The following TAFA1 variants were observed in gnomAD, a reference collection of about 807,000 sequenced individuals.
TAFA1 encodes the protein chemokine-like protein TAFA-1.
TAFA1 carries 4 observed loss-of-function variants against 18.5 expected under a neutral mutation model. The observed-to-expected ratio is 0.22, with a 90% CI of 0.11 to 0.49. The LOEUF (loss-of-function observed/expected upper bound fraction) is 0.49. TAFA1 is among the 20% of genes least tolerant of loss of function. The pLI is 0.98. For synonymous variants in TAFA1, 56 were observed against 55.2 expected (o/e 1.01, Z -0.06); for missense variants, 147 against 169.0 (o/e 0.87, Z 0.72).
chr3:68,539,351 T>G lies in TAFA1; in HGVS notation c.384+471T>G, dbSNP rs140528738. On this transcript the variant is annotated intron_variant, in intron 4 of 4. Transcript: ENST00000478136. ...GGGTTTTGGGGAGTGAATACATCAT[T>G]CTTTGATTTCTTTGGTTAAATCAGG... Among the ~76,000 whole-genome samples the G allele has an allele frequency of 4.6e-5, 7 of 152,154 alleles. No homozygotes were observed. The East Asian group carries it at 1.4e-3, about 30-fold the overall frequency.
At chr3:68,376,490 A>G (rs955400261) in intron 2 of TAFA1, among the ~76,000 whole-genome samples, 3 of 152,036 alleles carry the variant, frequency 2.0e-5, no homozygotes, top group Admixed American at 6.6e-5. Context: ...CCCACTTGTA[A>G]GTGAGAACAT....
chr3:68,522,787 T>C (rs556432103), intron 3 of TAFA1, among the ~76,000 whole-genome samples: 2 of 151,954 alleles, frequency 1.3e-5, no homozygotes, highest in African/African-American at 4.8e-5. Context: ...AGGTGGAGTT[T>C]GCAGTAAGCC....
intron 2 of TAFA1, among the ~76,000 whole-genome samples, chr3:68,403,900 G>A (rs1321431362): frequency 1.3e-5 from 2 of 152,110 alleles, no homozygotes; most frequent in Non-Finnish European, 2.9e-5. Flanking sequence ...AACAGTCAAT[G>A]CCTCCTCCTC....
At chr3:68,498,506 G>T (rs1170347147) in intron 3 of TAFA1, among the ~76,000 whole-genome samples, 1 of 152,086 alleles carries the variant, frequency 6.6e-6, no homozygotes, top group Admixed American at 6.6e-5. Context: ...CTGAGTATCT[G>T]CATTTCCTTA....
chr3:68,442,770 G>A (rs2071407269), intron 3 of TAFA1, among the ~76,000 whole-genome samples: 1 of 152,080 alleles, frequency 6.6e-6, no homozygotes, highest in African/African-American at 2.4e-5. Flanking sequence ...AACCAGAAAT[G>A]GATTTTAGTG....
intron 3 of TAFA1, among the ~76,000 whole-genome samples, chr3:68,422,996 G>T (rs1411029553): frequency 6.6e-6 from 1 of 151,678 alleles, no homozygotes; most frequent in Non-Finnish European, 1.5e-5. Flanking sequence ...TAAACAAGAG[G>T]TTGATGACTC....
intron 2 of TAFA1, among the ~76,000 whole-genome samples, chr3:68,376,789 T>C (rs757754710): frequency 2.6e-4 from 40 of 152,330 alleles, no homozygotes; most frequent in Non-Finnish European, 5.1e-4. Flanking sequence ...GGTTTGGCTC[T>C]GTGTCCCCAC....
chr3:68,363,951 A>G (rs752316958), intron 2 of TAFA1, among the ~76,000 whole-genome samples: 3 of 152,182 alleles, frequency 2.0e-5, no homozygotes, highest in Non-Finnish European at 4.4e-5. Context: ...CTTGTTCAAC[A>G]TGCCATGAAA....
intron 3 of TAFA1, among the ~76,000 whole-genome samples, chr3:68,469,408 C>T (rs1228657474): frequency 6.6e-6 from 1 of 152,168 alleles, no homozygotes; most frequent in Non-Finnish European, 1.5e-5. Context: ...GGCGCAGTGG[C>T]TCACACCTGT....
At position 68,388,767 on chromosome 3, in the gene TAFA1, AT is replaced by A. The variant is rs145051129; in HGVS notation, c.119-28504del. Among the ~76,000 whole-genome samples, 22 of 151,290 alleles carry A rather than the reference AT, an allele frequency of 1.5e-4. 1 individual carries two copies. The South Asian group carries it at 2.9e-3, about 20-fold the overall frequency. On this transcript the variant is annotated intron_variant, in intron 2 of 4. Coordinates refer to ENST00000478136, the MANE Select transcript of TAFA1 (RefSeq NM_213609.4). The stretch of plus-strand genomic sequence containing the variant: ...TTTTTAAATAATTTATGGCCATCTG[AT>A]TTTTTTTTAATGTAAACTTCAGGGT...
At chr3:68,231,941 C>T (rs964511217) in intron 2 of TAFA1, among the ~76,000 whole-genome samples, 1 of 152,000 alleles carries the variant, frequency 6.6e-6, no homozygotes, top group African/African-American at 2.4e-5. Context: ...TTAGTTGTGA[C>T]CCTTAATAAT....
the TAFA1 span, among the ~76,000 whole-genome samples, chr3:67,996,801 C>A: frequency 1.1e-4 from 7 of 61,668 alleles, no homozygotes; most frequent in African/African-American, 4.2e-4. Flanking sequence ...CTCAAAAAAA[C>A]AAAAATAAGA....
upstream of TAFA1, among the ~76,000 whole-genome samples, chr3:67,999,267 TCC>T (rs66913469): frequency 8.0e-3 from 1,143 of 142,996 alleles, 11 homozygotes; most frequent in East Asian, 0.03. Flanking sequence ...ATTCTCTCTA[TCC>T]CCCCCCCCCC....
At chr3:68,263,397 T>G (rs140177839) in intron 2 of TAFA1, among the ~76,000 whole-genome samples, 17 of 151,244 alleles carry the variant, frequency 1.1e-4, no homozygotes, top group Admixed American at 2.0e-4. Flanking sequence ...TGTTCAAAAT[T>G]TGACTATAAT....
At chr3:68,491,658 T>G (rs1467076070) in intron 3 of TAFA1, among the ~76,000 whole-genome samples, 3 of 150,254 alleles carry the variant, frequency 2.0e-5, no homozygotes, top group Non-Finnish European at 4.5e-5. Flanking sequence ...ACCTGCACAT[T>G]GTGCACATGT....
At chr3:68,367,607 C>T (rs991809879) in intron 2 of TAFA1, among the ~76,000 whole-genome samples, 1 of 152,120 alleles carries the variant, frequency 6.6e-6, no homozygotes, top group Non-Finnish European at 1.5e-5. Context: ...TCTGACGAAA[C>T]TCATGTTGTG....
Position 68,274,710 on chromosome 3 carries a change from C to T in TAFA1, c.119-142570C>T, listed in dbSNP as rs894391288. ...TTTTGGTGTTTGTTCCCCCGCCCCG[C>T]CCCCGCCCACATGTAACTGTGTGGT... is the stretch of plus-strand genomic sequence containing the variant. On this transcript the variant is annotated intron_variant, in intron 2 of 4. Coordinates refer to ENST00000478136, the MANE Select transcript of TAFA1 (RefSeq NM_213609.4). Among the ~76,000 whole-genome samples, 10 of 152,212 alleles carry T rather than the reference C, an allele frequency of 6.6e-5. No homozygotes were observed. The East Asian group carries it at 1.7e-3, about 26-fold the overall frequency.
chr3:68,192,591 T>C (rs539136019), intron 2 of TAFA1: 2 of 152,852 alleles, frequency 1.3e-5, no homozygotes, highest in African/African-American at 4.8e-5. Flanking sequence ...TGGAATGCAG[T>C]TTTTCTTGTG....
chr3:68,376,176 A>G (rs542106058), intron 2 of TAFA1, among the ~76,000 whole-genome samples: 1 of 152,098 alleles, frequency 6.6e-6, no homozygotes, highest in African/African-American at 2.4e-5. Flanking sequence ...GAAAAGGGAC[A>G]TTTCATTGCA....
Sources: allele counts gnomAD v4.1 joint callset (sites outside exome capture counted in the v4.1 genomes callset), GRCh38; gene constraint gnomAD v4.1.1; transcripts MANE v1.5; gene names NCBI Gene and HGNC (gene_info 2026-07-23, HGNC 2026-07-21).